GSDME: variants seen among roughly 807,000 people sequenced by gnomAD.
The protein encoded by GSDME is gasdermin-E.
GSDME carries 44 observed loss-of-function variants against 47.5 expected under a neutral mutation model. The ratio of observed to expected loss-of-function variants is 0.93; its 90% confidence interval spans 0.73 to 1.19. The LOEUF is 1.19. GSDME is among the 50% of genes most tolerant of loss of function. The pLI is 0.00. For missense variants in GSDME, 663 were observed against 604.2 expected (o/e 1.10, Z -1.02); for synonymous variants, 258 against 252.8 (o/e 1.02, Z -0.20).
intron 9 of GSDME, among the ~76,000 whole-genome samples, chr7:24,700,241 ACACT>A (rs1239906316): frequency 6.6e-6 from 1 of 152,208 alleles, no homozygotes; most frequent in Non-Finnish European, 1.5e-5. Flanking sequence ...TACAACACAG[ACACT>A]CAATGTGTTC....
At position 24,739,039 on chromosome 7, in the gene GSDME, A is replaced by G. The variant is rs2128060963; in HGVS notation, c.404+5523T>C. Among the ~76,000 whole-genome samples, 1 of 152,318 alleles carries G rather than the reference A, an allele frequency of 6.6e-6. No homozygotes were observed. The highest frequency in any genetic ancestry group is 2.1e-4 in the South Asian group (1 of 4,822). On this transcript the variant is annotated intron_variant, in intron 3 of 9. Transcript: ENST00000645220. The surrounding 1 kb of genome is among the most constrained non-coding windows in gnomAD (Gnocchi z 5.1). ...CAAACTATGAAACTACTATAAGAAA[A>G]CACGAGGGAAACTCTCTAGGACATT... is the stretch of plus-strand genomic sequence containing the variant.
At chr7:24,702,435 G>A (rs1562684104) in intron 9 of GSDME, 1 of 362,368 alleles carries the variant, frequency 2.8e-6, no homozygotes, top group East Asian at 7.2e-5. Context: ...TATGGTGTCA[G>A]GCCCCTTTAT....
At chr7:24,718,984 G>GC in intron 4 of GSDME, 63 bp downstream of exon 4, 3 of 1,575,404 alleles carry the variant, frequency 1.9e-6, no homozygotes, top group Non-Finnish European at 2.6e-6. Context: ...ACCCAAAGAG[G>GC]CCCCCAACCA....
At chr7:24,778,079 G>T in the GSDME span, among the ~76,000 whole-genome samples, 1 of 146,052 alleles carries the variant, frequency 6.8e-6, no homozygotes, top group African/African-American at 2.6e-5. The surrounding 1 kb of genome is among the most constrained non-coding windows in gnomAD (Gnocchi z 5.6). Flanking sequence ...AGAAAATGGT[G>T]GGGGAGGGAG....
the GSDME span, among the ~76,000 whole-genome samples, chr7:24,772,989 A>G: frequency 6.6e-6 from 1 of 152,198 alleles, no homozygotes; most frequent in African/African-American, 2.4e-5. This position sits in a 1 kb window ranked among gnomAD's most constrained non-coding sequence, Gnocchi z 4.5. Flanking sequence ...GGGGTGAGGT[A>G]GATGTAGTAG....
chr7:24,763,309 GA>G, the GSDME span, among the ~76,000 whole-genome samples: 1 of 151,674 alleles, frequency 6.6e-6, no homozygotes, highest in Non-Finnish European at 1.5e-5. The surrounding 1 kb of genome is among the most constrained non-coding windows in gnomAD (Gnocchi z 4.3). Context: ...TCCATATTGA[GA>G]ACTTTCACTT....
chr7:24,776,900 C>A, the GSDME span, among the ~76,000 whole-genome samples: 2 of 152,044 alleles, frequency 1.3e-5, no homozygotes, highest in Non-Finnish European at 2.9e-5. Context: ...AATCGTGCAC[C>A]AAACTATTAA....
rs3038356 is a variant in GSDME at position 24,744,923 on chromosome 7, C to CGTGT, written c.212-173_212-170dup. Among the ~76,000 whole-genome samples, 17,998 of 140,064 alleles carry CGTGT rather than the reference C, an allele frequency of 0.13. 1,332 individuals carry two copies. Among genetic ancestry groups the CGTGT allele is most frequent in the South Asian group, 0.21 (907 of 4,248 alleles). The allele number at this position is 140,064 out of a possible 152,430, so 91.9% of individuals were successfully genotyped here. On this transcript the variant is annotated intron_variant, in intron 2 of 9. Coordinates refer to ENST00000645220, the MANE Select transcript of GSDME (RefSeq NM_001127453.2). The surrounding 1 kb of genome is among the most constrained non-coding windows in gnomAD (Gnocchi z 4.5). ...GTGTGGGCAAGAAAACAGGGCAGCA[C>CGTGT]GTGTGTGTGTGTGTGTGTGTGTGTG...
intron 3 of GSDME, among the ~76,000 whole-genome samples, chr7:24,720,181 C>G (rs2106762): frequency 6.6e-5 from 10 of 152,202 alleles, no homozygotes; most frequent in Non-Finnish European, 1.2e-4. Flanking sequence ...ACTTGAAATT[C>G]TGCAAACTTT....
chr7:24,764,270 C>T, the GSDME span, among the ~76,000 whole-genome samples: 1 of 152,168 alleles, frequency 6.6e-6, no homozygotes, highest in East Asian at 1.9e-4. This position sits in a 1 kb window ranked among gnomAD's most constrained non-coding sequence, Gnocchi z 4.4. Context: ...TGTGTTTGGT[C>T]TGAATGATGG....
At chr7:24,743,518 T>A (rs1006013640) in intron 3 of GSDME, among the ~76,000 whole-genome samples, 1 of 152,164 alleles carries the variant, frequency 6.6e-6, no homozygotes, top group African/African-American at 2.4e-5. Flanking sequence ...GCCAGAATGA[T>A]CCTTCTAAAA....
At chr7:24,770,282 G>A in the GSDME span, among the ~76,000 whole-genome samples, 2 of 152,202 alleles carry the variant, frequency 1.3e-5, no homozygotes. The surrounding 1 kb of genome is among the most constrained non-coding windows in gnomAD (Gnocchi z 4.6). Flanking sequence ...GGTGTGCCTG[G>A]AGAGGACAGG....
At chr7:24,729,461 GAC>G (rs1790071460) in intron 3 of GSDME, among the ~76,000 whole-genome samples, 1 of 152,256 alleles carries the variant, frequency 6.6e-6, no homozygotes, top group South Asian at 2.1e-4. Flanking sequence ...GAGGGAAACG[GAC>G]ACAGACGCAG....
the GSDME span, among the ~76,000 whole-genome samples, chr7:24,768,729 C>G: frequency 6.6e-6 from 1 of 152,230 alleles, no homozygotes; most frequent in East Asian, 1.9e-4. The surrounding 1 kb of genome is among the most constrained non-coding windows in gnomAD (Gnocchi z 5.6). Flanking sequence ...AGATTGGGAG[C>G]ACCACCTTAA....
chr7:24,703,116 G>A (rs1363621646), intron 8 of GSDME: 5 of 376,678 alleles, frequency 1.3e-5, no homozygotes, highest in African/African-American at 4.2e-5. Flanking sequence ...TCTGGGGGAA[G>A]GAAAGGAAAC....
At chr7:24,748,371 G>C (rs1790747775) in intron 2 of GSDME, among the ~76,000 whole-genome samples, 1 of 151,350 alleles carries the variant, frequency 6.6e-6, no homozygotes, top group Non-Finnish European at 1.5e-5. Context: ...TGTTGGCCAG[G>C]CTGGTCTTGA....
chr7:24,764,166 G>T, the GSDME span, among the ~76,000 whole-genome samples: 39 of 152,246 alleles, frequency 2.6e-4, no homozygotes, highest in African/African-American at 8.7e-4. This position sits in a 1 kb window ranked among gnomAD's most constrained non-coding sequence, Gnocchi z 4.4. Context: ...TCCTTAAAAA[G>T]ACTAATTGCA....
chr7:24,756,969 G>A lies in GSDME; in HGVS notation c.-20+427C>T, dbSNP rs1047623563. Among the ~76,000 whole-genome samples the A allele has an allele frequency of 3.3e-5, 5 of 152,160 alleles. No individual in the cohort carries two copies. The highest frequency in any genetic ancestry group is 1.2e-4 in the African/African-American group (5 of 41,428). ...CTCCCTGCACACACGCCCCCGAGCC[G>A]GGAGAGCCTCCGCAGCACCCAGAGA... On this transcript the variant is annotated intron_variant, in intron 1 of 9. Transcript: ENST00000645220. This position sits in a 1 kb window ranked among gnomAD's most constrained non-coding sequence, Gnocchi z 4.2.
chr7:24,744,566 C>T lies in GSDME; in HGVS notation c.400G>A (p.Glu134Lys), dbSNP rs1054350061. 24 of 1,614,060 alleles carry T rather than the reference C, an allele frequency of 1.5e-5. No homozygotes were observed. Among genetic ancestry groups the T allele is most frequent in the Middle Eastern group, 1.6e-4 (1 of 6,082 alleles). The change falls in exon 3 of 10, where the codon GAG (glutamate) becomes AAG (lysine). Residue 134 changes from glutamate to lysine, a missense_variant. By Grantham distance (56) the Glu-to-Lys change is moderately conservative (BLOSUM62 1). Transcript: ENST00000645220. The surrounding 1 kb of genome is among the most constrained non-coding windows in gnomAD (Gnocchi z 4.5). ...ATGCCAAACAAGTCTCCTTACCTCT[C>T]GGCAGAGTCTCTGATGAGCTGCTGC... ...DLQQLIRDSA[E>K]RTINLRNPVL... is the part of the protein sequence containing the mutation.
Sources: allele counts gnomAD v4.1 joint callset (sites outside exome capture counted in the v4.1 genomes callset), GRCh38; gene constraint gnomAD v4.1.1; non-coding constraint Gnocchi (gnomAD v3.1); transcripts MANE v1.5; gene names NCBI Gene and HGNC (gene_info 2026-07-23, HGNC 2026-07-21).